The following SLC8A1 variants were observed in gnomAD, a reference collection of about 807,000 sequenced individuals.
SLC8A1 encodes the protein solute carrier family 8 member A1, also known as sodium/calcium exchanger 1.
A neutral mutation model predicts 68.3 loss-of-function variants in SLC8A1; 18 were observed. The observed-to-expected ratio is 0.26, with a 90% CI of 0.18 to 0.39. The LOEUF is 0.39. Among genes scored for constraint, SLC8A1 ranks in the 10% least tolerant of loss-of-function variants. The pLI is 1.00. For missense variants in SLC8A1, 985 were observed against 1,156.7 expected (o/e 0.85, Z 2.15); for synonymous variants, 475 against 415.5 (o/e 1.14, Z -1.74).
chr2:40,271,659 G>T (rs2066046337), intron 2 of SLC8A1, among the ~76,000 whole-genome samples: 1 of 152,134 alleles, frequency 6.6e-6, no homozygotes, highest in South Asian at 2.1e-4. Context: ...CAAGAACAGT[G>T]ACTTGCACAT....
chr2:40,155,441 T>TTAAC (rs1335531579), intron 6 of SLC8A1, among the ~76,000 whole-genome samples: 4 of 152,220 alleles, frequency 2.6e-5, no homozygotes, highest in Non-Finnish European at 4.4e-5. Context: ...AGCAGAATTT[T>TTAAC]TAACTGCTTA....
chr2:40,501,967 C>T (rs1336534279), intron 1 of SLC8A1, among the ~76,000 whole-genome samples: 1 of 152,038 alleles, frequency 6.6e-6, no homozygotes, highest in Admixed American at 6.6e-5. Context: ...TACCATGAAG[C>T]ATCAAAGACT....
intron 2 of SLC8A1, among the ~76,000 whole-genome samples, chr2:40,366,504 A>T (rs1328277236): frequency 6.6e-6 from 1 of 152,106 alleles, no homozygotes; most frequent in Non-Finnish European, 1.5e-5. Context: ...AAGGTGTGAA[A>T]TAAATGCTAA....
At chr2:40,138,274 T>C (rs17025225) in intron 7 of SLC8A1, among the ~76,000 whole-genome samples, 2,853 of 152,294 alleles carry the variant, frequency 0.019, 77 homozygotes, top group African/African-American at 0.065. Context: ...TAAACTGTAG[T>C]TGTTTTCAGA....
intron 1 of SLC8A1, among the ~76,000 whole-genome samples, chr2:40,510,874 T>C (rs1385829402): frequency 2.0e-5 from 3 of 152,204 alleles, no homozygotes. Flanking sequence ...ATAATTATAG[T>C]GCACTATTGA....
intron 2 of SLC8A1, among the ~76,000 whole-genome samples, chr2:40,294,886 T>G (rs545383328): frequency 1.7e-4 from 26 of 152,302 alleles, no homozygotes; most frequent in African/African-American, 6.0e-4. Context: ...TAGTCACATG[T>G]ACGTATAATC....
At chr2:40,443,316 A>C (rs1196602033) in intron 1 of SLC8A1, among the ~76,000 whole-genome samples, 6 of 152,176 alleles carry the variant, frequency 3.9e-5, no homozygotes, top group Non-Finnish European at 8.8e-5. Context: ...TATGGAAGTA[A>C]AAATGTGACT....
At chr2:40,419,447 G>C (rs1268154404) in intron 2 of SLC8A1, among the ~76,000 whole-genome samples, 1 of 152,032 alleles carries the variant, frequency 6.6e-6, no homozygotes, top group African/African-American at 2.4e-5. Context: ...TGTATATTCT[G>C]TCTCTGTCCC....
exon 2 of SLC8A1, chr2:40,429,316 GCTT>G (rs1421441652): frequency 1.9e-6 from 3 of 1,613,874 alleles, no homozygotes; most frequent in South Asian, 1.1e-5. Context: ...TTCTCGCCTA[GCTT>G]CTTCATCATC....
intron 2 of SLC8A1, among the ~76,000 whole-genome samples, chr2:40,328,810 T>C (rs13406922): frequency 0.11 from 16,930 of 152,034 alleles, 2,709 homozygotes; most frequent in African/African-American, 0.35. Flanking sequence ...ATCTCCCACC[T>C]GGACTATTGC....
At chr2:40,489,121 G>T (rs756768925) in intron 1 of SLC8A1, among the ~76,000 whole-genome samples, 2 of 152,108 alleles carry the variant, frequency 1.3e-5, no homozygotes, top group Non-Finnish European at 2.9e-5. Context: ...ACCCAAGGAG[G>T]CTGTCTGAGT....
At chr2:40,511,756 A>T (rs140019646) in intron 1 of SLC8A1, among the ~76,000 whole-genome samples, 169 of 152,334 alleles carry the variant, frequency 1.1e-3, no homozygotes, top group African/African-American at 3.8e-3. Context: ...TGGTTTCAGC[A>T]ACTTCAACTT....
At chr2:40,218,737 A>AC (rs1330967444) in intron 2 of SLC8A1, among the ~76,000 whole-genome samples, 3 of 151,582 alleles carry the variant, frequency 2.0e-5, no homozygotes, top group Non-Finnish European at 2.9e-5. Flanking sequence ...GAAAAAAAAA[A>AC]AACTAATTAA....
At chr2:40,470,993 T>C (rs1252709596) in intron 1 of SLC8A1, among the ~76,000 whole-genome samples, 1 of 152,196 alleles carries the variant, frequency 6.6e-6, no homozygotes, top group African/African-American at 2.4e-5. Flanking sequence ...GTTTTGCTAT[T>C]ACTATGAGCT....
intron 1 of SLC8A1, among the ~76,000 whole-genome samples, chr2:40,493,106 C>A (rs961726333): frequency 2.0e-5 from 3 of 151,974 alleles, no homozygotes; most frequent in African/African-American, 4.8e-5. Flanking sequence ...AAATGTCCAA[C>A]AATAATAGAC....
In SLC8A1 at chr2:40,364,517, T is replaced by TC. The variant is rs1031253704; in HGVS notation, c.1808+63955_1808+63956insG. 2.7e-4 allele frequency among the ~76,000 whole-genome samples: 36 copies of TC among 134,158 alleles called. No individual in the cohort carries two copies. In the East Asian group the frequency reaches 3.8e-3, roughly 14 times the overall value. 88.0% of individuals were successfully genotyped at this position (134,158 alleles called of 152,430 possible). A position where few individuals can be genotyped will look rare whatever the true frequency, so the allele number is the denominator to read the frequency against. ...TCTAATAAAATTGAATCCTTTTTTT[T>TC]TGTTGTTGTTCTCTCCCCAGGCAAT... On this transcript the variant is annotated intron_variant, in intron 2 of 7. Transcript: ENST00000406785.
intron 1 of SLC8A1, among the ~76,000 whole-genome samples, chr2:40,439,824 A>G (rs369962576): frequency 1.3e-5 from 2 of 152,280 alleles, no homozygotes; most frequent in African/African-American, 4.8e-5. Flanking sequence ...AAAAAGAAAC[A>G]TATTTTAAAA....
intron 2 of SLC8A1, among the ~76,000 whole-genome samples, chr2:40,284,517 A>G (rs959526035): frequency 1.4e-5 from 2 of 147,422 alleles, no homozygotes; most frequent in Admixed American, 6.8e-5. Context: ...ATATATATAG[A>G]CAACAATATC....
intron 2 of SLC8A1, among the ~76,000 whole-genome samples, chr2:40,303,002 T>G (rs1249030283): frequency 6.6e-6 from 1 of 152,158 alleles, no homozygotes; most frequent in East Asian, 1.9e-4. Context: ...ATCTAAACAT[T>G]TAGAAGAGGG....
Sources: gnomAD v4.1 joint callset for allele counts (sites outside exome capture counted in the v4.1 genomes callset) on GRCh38, gnomAD v4.1.1 for gene constraint, MANE v1.5 for transcripts, NCBI Gene and HGNC (gene_info 2026-07-23, HGNC 2026-07-21) for gene names.